The following IGFL2 variants were observed in gnomAD, a reference collection of about 807,000 sequenced individuals.
The protein encoded by IGFL2 is insulin growth factor-like family member 2.
Under a neutral mutation model 13.9 loss-of-function variants are expected in IGFL2, and 7 were observed. That is an observed-to-expected ratio of 0.51 (90% CI 0.29 to 0.95). IGFL2 has a LOEUF of 0.95. IGFL2 is among the 40% of genes least tolerant of loss of function. IGFL2 has a pLI of 0.08. For missense variants in IGFL2, 138 were observed against 147.8 expected, an observed-to-expected ratio of 0.93 and a Z score of 0.34; for synonymous variants, 55 against 55.8, an observed-to-expected ratio of 0.99 and a Z score of 0.07.
At chr19:46,194,356 ACCT>A in the IGFL2 span, among the ~76,000 whole-genome samples, 1 of 151,360 alleles carries the variant, frequency 6.6e-6, no homozygotes, top group African/African-American at 2.4e-5. Context: ...TTTGTTAGAA[ACCT>A]CCTGTGGTAT....
At chr19:46,170,627 A>G in the IGFL2 span, among the ~76,000 whole-genome samples, 50 of 152,292 alleles carry the variant, frequency 3.3e-4, no homozygotes, top group African/African-American at 1.1e-3. Context: ...ATATTGCTGA[A>G]TTCTTTTCCC....
intron 1 of IGFL2, among the ~76,000 whole-genome samples, chr19:46,154,184 T>G (rs1973679104): frequency 1.3e-5 from 2 of 152,192 alleles, no homozygotes; most frequent in Non-Finnish European, 2.9e-5. Flanking sequence ...TTTTTTACTA[T>G]TTTTTCCTGA....
chr19:46,078,841 G>T, the IGFL2 span, among the ~76,000 whole-genome samples: 1 of 151,744 alleles, frequency 6.6e-6, no homozygotes, highest in Non-Finnish European at 1.5e-5. Flanking sequence ...CGCAGGCGTC[G>T]TCAGTAGACA....
chr19:46,101,437 G>T, the IGFL2 span, among the ~76,000 whole-genome samples: 1 of 152,238 alleles, frequency 6.6e-6, no homozygotes, highest in Admixed American at 6.5e-5. Flanking sequence ...TGAAGTTCCT[G>T]CAGGGAGGCC....
chr19:46,208,600 C>T, the IGFL2 span: 1 of 152,168 alleles, frequency 6.6e-6, no homozygotes, highest in African/African-American at 2.4e-5. Context: ...ATTGTAATCC[C>T]CATGTGTCAG....
chr19:46,136,619 A>G, the IGFL2 span: 1 of 378,928 alleles, frequency 2.6e-6, no homozygotes, highest in South Asian at 2.2e-5. Flanking sequence ...TCTCAGTAAC[A>G]GGAGGCTGTT....
the IGFL2 span, chr19:46,174,094 C>T: frequency 6.6e-6 from 1 of 152,220 alleles, no homozygotes; most frequent in Non-Finnish European, 1.5e-5. Context: ...GCAGGTAGCA[C>T]CCCTGCCTGC....
chr19:46,162,323 T>A (rs962795202), downstream of IGFL2, among the ~76,000 whole-genome samples: 3 of 152,188 alleles, frequency 2.0e-5, no homozygotes, highest in Admixed American at 2.0e-4. Context: ...TTTCCTGAAT[T>A]TGTGTGTTGG....
chr19:46,138,485 A>G (rs1332695050), upstream of IGFL2, among the ~76,000 whole-genome samples: 1 of 152,152 alleles, frequency 6.6e-6, no homozygotes, highest in African/African-American at 2.4e-5. Flanking sequence ...CAGCAGTGGG[A>G]TCTTCACTCA....
the IGFL2 span, among the ~76,000 whole-genome samples, chr19:46,122,831 A>G: frequency 6.0e-5 from 9 of 150,852 alleles, no homozygotes. Context: ...GTAAGATTGT[A>G]AAGGTGGGAG....
At chr19:46,133,114 C>T in the IGFL2 span, among the ~76,000 whole-genome samples, 1 of 152,110 alleles carries the variant, frequency 6.6e-6, no homozygotes, top group South Asian at 2.1e-4. Context: ...GAAGTTCAGG[C>T]AGCTGCTTGT....
At chr19:46,081,940 T>C in the IGFL2 span, among the ~76,000 whole-genome samples, 1 of 152,222 alleles carries the variant, frequency 6.6e-6, no homozygotes, top group Non-Finnish European at 1.5e-5. Flanking sequence ...CTGTGTGCAG[T>C]TTTATAGTTG....
the IGFL2 span, among the ~76,000 whole-genome samples, chr19:46,081,914 C>T: frequency 6.6e-6 from 1 of 152,206 alleles, no homozygotes; most frequent in East Asian, 1.9e-4. Flanking sequence ...AACACAGTGG[C>T]TTCATATACT....
chr19:46,182,895 C>A, the IGFL2 span, among the ~76,000 whole-genome samples: 3 of 152,046 alleles, frequency 2.0e-5, no homozygotes, highest in African/African-American at 7.2e-5. Context: ...TCTCTCCTCA[C>A]ATTCTCTAGT....
At chr19:46,167,811 A>G in the IGFL2 span, among the ~76,000 whole-genome samples, 1 of 152,134 alleles carries the variant, frequency 6.6e-6, no homozygotes, top group Non-Finnish European at 1.5e-5. Context: ...TGCACACACA[A>G]AAGAAGAGGC....
chr19:46,094,559 T>G, the IGFL2 span, among the ~76,000 whole-genome samples: 2,020 of 152,154 alleles, frequency 0.013, 31 homozygotes, highest in Middle Eastern at 0.027. Context: ...GGATACATGT[T>G]CAGGACATGC....
chr19:46,185,991 C>T, the IGFL2 span, among the ~76,000 whole-genome samples: 1 of 152,128 alleles, frequency 6.6e-6, no homozygotes, highest in Non-Finnish European at 1.5e-5. Context: ...GCCTCCGTCC[C>T]ATCTGGTGCT....
At chr19:46,179,971 G>A in the IGFL2 span, among the ~76,000 whole-genome samples, 7 of 151,986 alleles carry the variant, frequency 4.6e-5, no homozygotes, top group African/African-American at 1.7e-4. Flanking sequence ...AGAGATTATA[G>A]AGATTCCCCC....
the IGFL2 span, chr19:46,181,449 C>T: frequency 2.6e-5 from 4 of 152,324 alleles, no homozygotes; most frequent in East Asian, 7.7e-4. Flanking sequence ...CTTCCTGCCC[C>T]AGAGTCACAT....
Sources: allele counts gnomAD v4.1 joint callset (sites outside exome capture counted in the v4.1 genomes callset), GRCh38; gene constraint gnomAD v4.1.1; transcripts MANE v1.5; gene names NCBI Gene and HGNC (gene_info 2026-07-23, HGNC 2026-07-21).